ANO3: variants seen among roughly 807,000 people sequenced by gnomAD.
ANO3 encodes anoctamin-3.
In ANO3, 99 loss-of-function variants were observed where a neutral mutation model predicts 144.8. That is an observed-to-expected ratio of 0.68 (90% CI 0.58 to 0.81). The LOEUF is 0.81. Among genes scored for constraint, ANO3 ranks in the 30% least tolerant of loss-of-function variants. The pLI, the probability that ANO3 is intolerant of heterozygous loss-of-function variation, is 0.00. For synonymous variants in ANO3, 414 were observed against 392.6 expected (o/e 1.05, Z -0.64); for missense variants, 905 against 1,202.2 (o/e 0.75, Z 3.66).
At chr11:26,575,007 G>A (rs1590572432) in intron 14 of ANO3, among the ~76,000 whole-genome samples, 1 of 152,076 alleles carries the variant, frequency 6.6e-6, no homozygotes, top group East Asian at 1.9e-4. Context: ...GTGATTTGGG[G>A]CATTTAATTC....
chr11:26,289,682 C>T (rs1177220919), intron 1 of ANO3, among the ~76,000 whole-genome samples: 1 of 86,686 alleles, frequency 1.2e-5, no homozygotes, highest in Non-Finnish European at 2.3e-5. Flanking sequence ...TACATATACA[C>T]ACATATATTC....
chr11:26,549,284 T>C (rs1476448037), intron 12 of ANO3, among the ~76,000 whole-genome samples: 1 of 152,024 alleles, frequency 6.6e-6, no homozygotes, highest in Non-Finnish European at 1.5e-5. Context: ...CTCCCACTTC[T>C]GTCACACTAT....
intron 1 of ANO3, among the ~76,000 whole-genome samples, chr11:26,205,608 C>T (rs888286518): frequency 6.6e-6 from 1 of 152,148 alleles, no homozygotes; most frequent in Non-Finnish European, 1.5e-5. Flanking sequence ...CTAGCAGTCA[C>T]CTTATTCCAG....
chr11:26,599,729 T>C lies in ANO3; in HGVS notation c.1836+15T>C, dbSNP rs1198027111. On this transcript the variant is annotated intron_variant, in intron 17 of 26. Transcript: ENST00000256737. The stretch of plus-strand genomic sequence containing the variant: ...TGCTGAATCTTGTAAGTGTCTATAA[T>C]GTTATTCTTCAGTAGACAAAAAAGG... The C allele has an allele frequency of 2.5e-6, 4 of 1,608,128 alleles. No homozygotes were observed. The highest frequency in any genetic ancestry group is 3.3e-4 in the Middle Eastern group (2 of 6,018).
intron 1 of ANO3, among the ~76,000 whole-genome samples, chr11:26,311,989 T>C (rs781050728): frequency 2.0e-5 from 3 of 152,288 alleles, no homozygotes; most frequent in Non-Finnish European, 4.4e-5. Flanking sequence ...CCTAATTCTA[T>C]CCCTCCGCTC....
intron 1 of ANO3, among the ~76,000 whole-genome samples, chr11:26,350,092 A>C (rs576362109): frequency 1.9e-4 from 28 of 150,176 alleles, no homozygotes; most frequent in African/African-American, 7.1e-4. Context: ...GGGGAGAAGA[A>C]AGAAACAGAT....
intron 1 of ANO3, among the ~76,000 whole-genome samples, chr11:26,245,018 T>TGTGTGTGTGCGTGC (rs151031559): frequency 6.9e-6 from 1 of 145,324 alleles, no homozygotes; most frequent in Non-Finnish European, 1.5e-5. Flanking sequence ...TGTGTGTGTG[T>TGTGTGTGTGCGTGC]GTGCATGCAT....
At chr11:26,409,310 T>C (rs1415774400) in intron 1 of ANO3, among the ~76,000 whole-genome samples, 1 of 151,856 alleles carries the variant, frequency 6.6e-6, no homozygotes, top group Admixed American at 6.6e-5. Context: ...ATCTGGCACA[T>C]AGTAAGAGCT....
At chr11:26,399,709 GT>G (rs1857100199) in intron 1 of ANO3, among the ~76,000 whole-genome samples, 1 of 151,914 alleles carries the variant, frequency 6.6e-6, no homozygotes, top group Non-Finnish European at 1.5e-5. Flanking sequence ...ATGGTTGAAG[GT>G]ATAAGTCCCT....
chr11:26,532,436 T>A (rs1207414171), intron 8 of ANO3, among the ~76,000 whole-genome samples: 1 of 152,072 alleles, frequency 6.6e-6, no homozygotes, highest in Admixed American at 6.6e-5. Flanking sequence ...ACCAGAGTAA[T>A]CTTTGGAAAA....
chr11:26,437,508 A>T (rs1565024206), intron 1 of ANO3, among the ~76,000 whole-genome samples: 1 of 151,816 alleles, frequency 6.6e-6, no homozygotes, highest in Non-Finnish European at 1.5e-5. Context: ...TCCTGTCTTG[A>T]TTTTCTCCAT....
intron 1 of ANO3, among the ~76,000 whole-genome samples, chr11:26,207,502 A>C (rs1851827773): frequency 1.3e-5 from 2 of 152,186 alleles, no homozygotes; most frequent in South Asian, 4.1e-4. Flanking sequence ...CTCCACCTTT[A>C]ATAATGATAA....
intron 1 of ANO3, among the ~76,000 whole-genome samples, chr11:26,365,036 T>C (rs961623412): frequency 6.6e-6 from 1 of 152,190 alleles, no homozygotes; most frequent in African/African-American, 2.4e-5. Flanking sequence ...ACTTCCAAGA[T>C]ACAATGGGGG....
chr11:26,501,394 TA>T (rs1320097748), intron 4 of ANO3, among the ~76,000 whole-genome samples: 1 of 152,140 alleles, frequency 6.6e-6, no homozygotes, highest in Non-Finnish European at 1.5e-5. Flanking sequence ...GGTATAGCAA[TA>T]TTTGGTTACA....
intron 14 of ANO3, among the ~76,000 whole-genome samples, chr11:26,596,136 G>T (rs2132915172): frequency 6.6e-6 from 1 of 152,256 alleles, no homozygotes; most frequent in African/African-American, 2.4e-5. Context: ...GGCTTTTAAA[G>T]GAATAGGGCA....
chr11:26,641,261 A>C (rs1853141922), intron 21 of ANO3, among the ~76,000 whole-genome samples: 1 of 152,220 alleles, frequency 6.6e-6, no homozygotes, highest in South Asian at 2.1e-4. Context: ...CAATAGCAGA[A>C]TATAATAATC....
At chr11:26,607,427 A>G (rs931927750) in intron 17 of ANO3, among the ~76,000 whole-genome samples, 2 of 151,878 alleles carry the variant, frequency 1.3e-5, no homozygotes, top group African/African-American at 4.8e-5. Flanking sequence ...AGCTTGTTCC[A>G]TTCTCCTCAT....
At chr11:26,499,211 A>G (rs1861089682) in intron 4 of ANO3, among the ~76,000 whole-genome samples, 1 of 151,900 alleles carries the variant, frequency 6.6e-6, no homozygotes, top group Non-Finnish European at 1.5e-5. Flanking sequence ...TATTGGTTGT[A>G]TTCATAAAAA....
At chr11:26,190,554 TA>T (rs1239259960) in intron 1 of ANO3, among the ~76,000 whole-genome samples, 2 of 152,194 alleles carry the variant, frequency 1.3e-5, no homozygotes, top group Non-Finnish European at 2.9e-5. Flanking sequence ...AATAGTTTAA[TA>T]AAAAATTGAT....
Sources: gnomAD v4.1 joint callset for allele counts (sites outside exome capture counted in the v4.1 genomes callset) on GRCh38, gnomAD v4.1.1 for gene constraint, MANE v1.5 for transcripts, NCBI Gene and HGNC (gene_info 2026-07-23, HGNC 2026-07-21) for gene names.